The following STMN2 variants were observed in gnomAD, a reference collection of about 807,000 sequenced individuals.
STMN2 encodes the protein stathmin-2.
A neutral mutation model predicts 24.1 loss-of-function variants in STMN2; 2 were observed. That is an observed-to-expected ratio of 0.08 (90% CI 0.03 to 0.26). The LOEUF (loss-of-function observed/expected upper bound fraction) is 0.26, where lower values mean the gene tolerates loss of function less well. STMN2 is among the 10% of genes least tolerant of loss of function. STMN2 has a pLI of 1.00. For missense variants in STMN2, 114 were observed against 213.6 expected (o/e 0.53, Z 2.91); for synonymous variants, 83 against 77.5 (o/e 1.07, Z -0.37).
chr8:79,659,809 T>A (rs554931821), intron 4 of STMN2, among the ~76,000 whole-genome samples: 11 of 152,286 alleles, frequency 7.2e-5, no homozygotes, highest in African/African-American at 1.7e-4. Context: ...TATGTCACAT[T>A]AGCTATGATT....
chr8:79,625,261 T>C (rs898395852), intron 1 of STMN2, among the ~76,000 whole-genome samples: 2 of 152,242 alleles, frequency 1.3e-5, no homozygotes, highest in Admixed American at 1.3e-4. Flanking sequence ...TGACTTCTTT[T>C]AGGCTAGAAA....
At chr8:79,631,559 A>G in intron 1 of STMN2, 2 of 689,586 alleles carry the variant, frequency 2.9e-6, no homozygotes, top group Non-Finnish European at 3.6e-6. Flanking sequence ...AATCTGAGTT[A>G]TTTCTTTTTC....
At chr8:79,643,041 G>T (rs944162626) in intron 3 of STMN2, among the ~76,000 whole-genome samples, 1 of 147,166 alleles carries the variant, frequency 6.8e-6, no homozygotes, top group African/African-American at 2.5e-5. Flanking sequence ...ATATGTATAT[G>T]TATACCATAA....
At position 79,622,848 on chromosome 8, in the gene STMN2, C is replaced by T. The variant is rs146414754; in HGVS notation, c.19+11634C>T. On this transcript the variant is annotated intron_variant, in intron 1 of 4. Coordinates refer to ENST00000220876, the MANE Select transcript of STMN2 (RefSeq NM_007029.4). Reference sequence around the variant, plus strand: ...GAAAAAGAATTATATCACACACACACGTACACGCACGCATGCATACACACA... The same window carrying T: ...GAAAAAGAATTATATCACACACACATGTACACGCACGCATGCATACACACA... 2.4e-3 allele frequency among the ~76,000 whole-genome samples: 371 copies of T among 152,274 alleles called. 1 individual carries two copies. Among genetic ancestry groups the T allele is most frequent in the African/African-American group, 8.3e-3 (346 of 41,536 alleles).
chr8:79,642,920 G>T (rs1810134082), intron 3 of STMN2, among the ~76,000 whole-genome samples: 1 of 146,938 alleles, frequency 6.8e-6, no homozygotes, highest in Non-Finnish European at 1.5e-5. Flanking sequence ...AATGGTAATT[G>T]GTATATAGAG....
chr8:79,615,461 C>G (rs1333948097), intron 1 of STMN2, among the ~76,000 whole-genome samples: 1 of 152,144 alleles, frequency 6.6e-6, no homozygotes, highest in Non-Finnish European at 1.5e-5. Context: ...CCTGTTGTCA[C>G]AAGATCTGTG....
intron 1 of STMN2, among the ~76,000 whole-genome samples, chr8:79,618,043 T>C (rs558216560): frequency 6.6e-6 from 1 of 152,340 alleles, no homozygotes; most frequent in Admixed American, 6.5e-5. Flanking sequence ...GGAATCCATC[T>C]TTCACCGATT....
chr8:79,635,704 C>T (rs1282795329), intron 1 of STMN2, among the ~76,000 whole-genome samples: 5 of 152,046 alleles, frequency 3.3e-5, no homozygotes, highest in African/African-American at 4.8e-5. Flanking sequence ...GAGCTAAACA[C>T]TGAGCACACA....
chr8:79,661,270 C>A (rs1315021254), intron 4 of STMN2, among the ~76,000 whole-genome samples: 1 of 152,104 alleles, frequency 6.6e-6, no homozygotes, highest in Non-Finnish European at 1.5e-5. Context: ...AAAGTGTTCC[C>A]TTTTCATCAC....
At chr8:79,629,569 C>A (rs575753186) in intron 1 of STMN2, among the ~76,000 whole-genome samples, 1 of 152,246 alleles carries the variant, frequency 6.6e-6, no homozygotes, top group East Asian at 1.9e-4. Context: ...TTGCACACTG[C>A]GCATTTTACA....
intron 1 of STMN2, chr8:79,611,846 C>G: frequency 2.3e-6 from 1 of 430,014 alleles, no homozygotes; most frequent in Non-Finnish European, 3.0e-6. Flanking sequence ...TGTTTTAGGG[C>G]AAGGGAGGGG....
chr8:79,641,317 T>C, intron 2 of STMN2, 61 bp from the exon 3 acceptor site: 2 of 1,542,276 alleles, frequency 1.3e-6, no homozygotes, highest in Non-Finnish European at 1.7e-6. Context: ...ATCTAAATTA[T>C]TAAAATAAAC....
chr8:79,613,332 TG>T, intron 1 of STMN2: 1 of 964,590 alleles, frequency 1.0e-6, no homozygotes, highest in Non-Finnish European at 1.2e-6. Context: ...ACTGGGTGTG[TG>T]GAGCGCAGCC....
intron 1 of STMN2, among the ~76,000 whole-genome samples, chr8:79,624,965 T>G (rs1308287945): frequency 2.6e-5 from 4 of 151,444 alleles, no homozygotes; most frequent in Non-Finnish European, 5.9e-5. Flanking sequence ...ACAAGTCACA[T>G]GTCCCACGCA....
In STMN2 at chr8:79,653,203, C is replaced by T. The variant is rs112388039; in HGVS notation, c.289-1668C>T. ...ACTAGCCTGGCCAACATGACGAAAC[C>T]CCATCTCTACTAAAAATACAAAAAT... On this transcript the variant is annotated intron_variant, in intron 3 of 4. Transcript: ENST00000220876. Among the ~76,000 whole-genome samples, 1,491 of 151,998 alleles carry T rather than the reference C, an allele frequency of 9.8e-3. 17 individuals carry two copies. Among genetic ancestry groups the T allele is most frequent in the Non-Finnish European group, 0.014 (944 of 67,976 alleles).
At chr8:79,649,466 G>T (rs1810287026) in intron 3 of STMN2, among the ~76,000 whole-genome samples, 1 of 151,748 alleles carries the variant, frequency 6.6e-6, no homozygotes, top group Non-Finnish European at 1.5e-5. Flanking sequence ...TGTACTCTTT[G>T]GTTTTACATA....
intron 3 of STMN2, among the ~76,000 whole-genome samples, chr8:79,652,870 T>C (rs1428850752): frequency 6.6e-6 from 1 of 152,074 alleles, no homozygotes; most frequent in Non-Finnish European, 1.5e-5. Context: ...GTAGTCCTGA[T>C]AACAGCAAAT....
chr8:79,639,838 A>C (rs778528528), intron 2 of STMN2, among the ~76,000 whole-genome samples: 16 of 152,218 alleles, frequency 1.1e-4, no homozygotes, highest in Non-Finnish European at 1.6e-4. Context: ...TGAGAACAAA[A>C]AATCTACTCT....
chr8:79,625,363 A>G (rs1809627720), intron 1 of STMN2, among the ~76,000 whole-genome samples: 1 of 152,182 alleles, frequency 6.6e-6, no homozygotes, highest in African/African-American at 2.4e-5. Flanking sequence ...TGATTGTGCC[A>G]AGTATCTTAT....
Sources: allele counts gnomAD v4.1 joint callset (sites outside exome capture counted in the v4.1 genomes callset), GRCh38; gene constraint gnomAD v4.1.1; transcripts MANE v1.5; gene names NCBI Gene and HGNC (gene_info 2026-07-23, HGNC 2026-07-21).